The following BABAM2 variants were observed in gnomAD, a reference collection of about 807,000 sequenced individuals.
The protein encoded by BABAM2 is BRISC and BRCA1 A complex member 2.
Under a neutral mutation model 54.7 loss-of-function variants are expected in BABAM2, and 31 were observed. The observed-to-expected ratio is 0.57, with a 90% CI of 0.43 to 0.77. The LOEUF (loss-of-function observed/expected upper bound fraction) is 0.77. BABAM2 is among the 30% of genes least tolerant of loss of function. BABAM2 has a pLI of 0.00. For synonymous variants in BABAM2, 167 were observed against 162.9 expected, an observed-to-expected ratio of 1.03 and a Z score of -0.19; for missense variants, 364 against 455.8, an observed-to-expected ratio of 0.80 and a Z score of 1.83.
At chr2:27,902,533 C>A (rs1461432693) in intron 2 of BABAM2, among the ~76,000 whole-genome samples, 1 of 152,160 alleles carries the variant, frequency 6.6e-6, no homozygotes, top group Non-Finnish European at 1.5e-5. Flanking sequence ...TATTCTGTAG[C>A]CTCACCAGTA....
intron 4 of BABAM2, chr2:28,016,512 C>A (rs931596419): frequency 1.1e-6 from 1 of 885,032 alleles, no homozygotes; most frequent in Non-Finnish European, 1.8e-6. Context: ...AGTCGCACGC[C>A]GAGGGAAACT....
intron 2 of BABAM2, among the ~76,000 whole-genome samples, chr2:27,901,596 A>T (rs564409939): frequency 1.3e-5 from 2 of 152,312 alleles, no homozygotes; most frequent in Admixed American, 6.5e-5. Flanking sequence ...AGCTTTGAAG[A>T]CTGATCTCAG....
intron 4 of BABAM2, among the ~76,000 whole-genome samples, chr2:27,998,732 A>C (rs973734345): frequency 3.3e-5 from 5 of 152,220 alleles, no homozygotes; most frequent in African/African-American, 7.2e-5. Flanking sequence ...ACTGTGAATA[A>C]CTAATAGTTG....
chr2:28,129,143 G>A (rs538718407), intron 6 of BABAM2, 128 bp from the exon 7 acceptor site: 492 of 824,334 alleles, frequency 6.0e-4, no homozygotes, highest in Non-Finnish European at 9.0e-4. Flanking sequence ...GATGTGCAAA[G>A]CAGCTAAGCT....
chr2:28,042,839 A>C (rs1056440758), intron 5 of BABAM2, among the ~76,000 whole-genome samples: 1 of 152,010 alleles, frequency 6.6e-6, no homozygotes, highest in African/African-American at 2.4e-5. Flanking sequence ...CCTGGCTAAC[A>C]TGGTGAAACC....
intron 6 of BABAM2, among the ~76,000 whole-genome samples, chr2:28,092,431 G>A (rs550700435): frequency 1.3e-5 from 2 of 152,044 alleles, no homozygotes; most frequent in Admixed American, 6.5e-5. Flanking sequence ...CAGAAAAACT[G>A]GAAAAGTATC....
chr2:28,251,017 A>C (rs1683429781), intron 10 of BABAM2, among the ~76,000 whole-genome samples: 1 of 152,108 alleles, frequency 6.6e-6, no homozygotes, highest in African/African-American at 2.4e-5. Context: ...GAGCTGTAGG[A>C]TTGGGGCTGG....
intron 7 of BABAM2, among the ~76,000 whole-genome samples, chr2:28,201,711 G>T (rs1044645497): frequency 6.6e-6 from 1 of 152,148 alleles, no homozygotes; most frequent in Admixed American, 6.6e-5. Flanking sequence ...TCTCATCTCC[G>T]CTTCGTAGCC....
At chr2:28,076,899 T>C (rs868263913) in intron 6 of BABAM2, among the ~76,000 whole-genome samples, 2 of 152,224 alleles carry the variant, frequency 1.3e-5, no homozygotes, top group Admixed American at 6.5e-5. Context: ...AAGGACAGGC[T>C]CCATGCCTTA....
chr2:27,911,312 A>G (rs1017565431), intron 2 of BABAM2, among the ~76,000 whole-genome samples: 3 of 152,198 alleles, frequency 2.0e-5, no homozygotes, highest in East Asian at 1.9e-4. Flanking sequence ...ATATGTATAC[A>G]TGTTTGAACC....
chr2:27,985,792 T>A (rs560401859), intron 3 of BABAM2, among the ~76,000 whole-genome samples: 3 of 152,324 alleles, frequency 2.0e-5, no homozygotes, highest in Admixed American at 2.0e-4. Flanking sequence ...AGAATAAATA[T>A]CTTTGTATTG....
At chr2:28,242,851 A>AT (rs1014098224) in intron 9 of BABAM2, among the ~76,000 whole-genome samples, 1 of 152,226 alleles carries the variant, frequency 6.6e-6, no homozygotes, top group African/African-American at 2.4e-5. Context: ...AATACTTAAG[A>AT]TTTTTTTCAG....
chr2:28,259,784 G>A (rs1264986277), intron 10 of BABAM2, among the ~76,000 whole-genome samples: 1 of 151,544 alleles, frequency 6.6e-6, no homozygotes, highest in Non-Finnish European at 1.5e-5. Flanking sequence ...TAAGGGACAT[G>A]GTTTTTTTTT....
At chr2:27,898,003 A>G (rs984918570) in intron 2 of BABAM2, among the ~76,000 whole-genome samples, 2 of 152,082 alleles carry the variant, frequency 1.3e-5, no homozygotes, top group African/African-American at 4.8e-5. Context: ...TGTGGTTTTG[A>G]CTTTGATTTC....
chr2:27,898,515 G>C (rs1363996623), intron 2 of BABAM2, among the ~76,000 whole-genome samples: 1 of 152,056 alleles, frequency 6.6e-6, no homozygotes, highest in Non-Finnish European at 1.5e-5. Flanking sequence ...GGTTTTTGCA[G>C]GTCAAAAGTC....
intron 3 of BABAM2, among the ~76,000 whole-genome samples, chr2:27,941,681 TTTTCC>T (rs1416062510): frequency 6.6e-6 from 1 of 152,184 alleles, no homozygotes; most frequent in Non-Finnish European, 1.5e-5. Flanking sequence ...GTTGATACAC[TTTTCC>T]TTTCAGAGGA....
At position 28,131,060 on chromosome 2, in the gene BABAM2, T is replaced by TTTTTA. The variant is rs1558367428; in HGVS notation, c.680+1680_680+1681insTTTTA. On this transcript the variant is annotated intron_variant, in intron 7 of 11. Coordinates refer to ENST00000379624, the MANE Select transcript of BABAM2 (RefSeq NM_199191.3). The stretch of plus-strand genomic sequence containing the variant: ...CTGGCCCCAAAGAGTGTTTTATTAT[T>TTTTTA]ATTATTATTATTATTATTATTTTTT... Among the ~76,000 whole-genome samples, 55 of 9,944 alleles carry TTTTTA rather than the reference T, an allele frequency of 5.5e-3. 9 individuals carry two copies. In the South Asian group the frequency reaches 0.062, roughly 11 times the overall value. 6.5% of individuals were successfully genotyped at this position (9,944 alleles called of 152,430 possible).
intron 11 of BABAM2, among the ~76,000 whole-genome samples, chr2:28,333,187 A>G (rs1291972682): frequency 1.3e-5 from 2 of 152,034 alleles, no homozygotes; most frequent in African/African-American, 2.4e-5. Flanking sequence ...CACTCCTCAC[A>G]AGAACCCTTT....
chr2:28,154,261 A>G (rs1315562693), intron 7 of BABAM2, among the ~76,000 whole-genome samples: 1 of 152,236 alleles, frequency 6.6e-6, no homozygotes, highest in Non-Finnish European at 1.5e-5. Context: ...CAAAATAGGC[A>G]ACACCTTGGC....
Sources: gnomAD v4.1 joint callset for allele counts (sites outside exome capture counted in the v4.1 genomes callset) on GRCh38, gnomAD v4.1.1 for gene constraint, MANE v1.5 for transcripts, NCBI Gene and HGNC (gene_info 2026-07-23, HGNC 2026-07-21) for gene names.